Variants in GREB1L observed in about 807,000 individuals in gnomAD.
GREB1L encodes GREB1-like protein.
A neutral mutation model predicts 200.8 loss-of-function variants in GREB1L; 17 were observed. The ratio of observed to expected loss-of-function variants is 0.08; its 90% CI spans 0.06 to 0.13. The LOEUF (loss-of-function observed/expected upper bound fraction) is 0.13. Ranked by LOEUF, GREB1L falls within the 10% of genes least tolerant of loss-of-function variation. GREB1L has a pLI of 1.00. For missense variants in GREB1L, 1,657 were observed against 2,367.7 expected (o/e 0.70, Z 6.23); for synonymous variants, 789 against 893.0 (o/e 0.88, Z 2.08).
At chr18:21,346,740 T>C (rs1485119146) in intron 1 of GREB1L, among the ~76,000 whole-genome samples, 1 of 152,198 alleles carries the variant, frequency 6.6e-6, no homozygotes, top group Non-Finnish European at 1.5e-5. Flanking sequence ...CCAAGACTGA[T>C]AAAGCATCTC....
intron 1 of GREB1L, among the ~76,000 whole-genome samples, chr18:21,327,074 A>C (rs2039033822): frequency 6.6e-6 from 1 of 152,248 alleles, no homozygotes; most frequent in African/African-American, 2.4e-5. Flanking sequence ...TGTGTGTCAT[A>C]GGATTCCTTC....
intron 15 of GREB1L, among the ~76,000 whole-genome samples, chr18:21,459,770 A>C (rs903311320): frequency 2.0e-5 from 3 of 152,128 alleles, no homozygotes; most frequent in African/African-American, 7.2e-5. Flanking sequence ...TTTTTTGTTC[A>C]GTGACTAAGA....
intron 1 of GREB1L, among the ~76,000 whole-genome samples, chr18:21,280,628 C>T (rs145300126): frequency 2.1e-4 from 32 of 152,156 alleles, no homozygotes; most frequent in African/African-American, 7.5e-4. Context: ...TCTTCCATCT[C>T]GAATGTATTA....
chr18:21,416,974 C>A (rs1598796221), intron 7 of GREB1L, among the ~76,000 whole-genome samples: 1 of 151,048 alleles, frequency 6.6e-6, no homozygotes, highest in African/African-American at 2.4e-5. Flanking sequence ...GAGCTGAGAT[C>A]ATGCCACTGT....
intron 1 of GREB1L, among the ~76,000 whole-genome samples, chr18:21,359,071 C>T (rs2039545986): frequency 6.6e-6 from 1 of 152,154 alleles, no homozygotes; most frequent in South Asian, 2.1e-4. Flanking sequence ...GAAATGGCGG[C>T]CCAGGGAAGA....
chr18:21,278,389 AAAATAAATAAATAAAT>A (rs67061918), intron 1 of GREB1L, among the ~76,000 whole-genome samples: 26 of 125,620 alleles, frequency 2.1e-4, no homozygotes, highest in African/African-American at 3.9e-4. Context: ...TCAAAAAAAA[AAAATAAATAAATAAAT>A]AAATAAATAA....
chr18:21,515,558 A>G lies in GREB1L; in HGVS notation c.5043A>G (p.Leu1681=). ...KWSSKLTSQS[L]KAPFSRCHVH... ...GCAGCAAGCTGACTTCTCAGAGCCT[A>G]AAGGCCCCATTCTCTAGGTGTCACG... is the stretch of plus-strand genomic sequence containing the variant. The change falls in exon 29 of 33, where the codon CTA becomes CTG. Residue 1681 remains leucine, a synonymous_variant. Coordinates refer to ENST00000424526, the MANE Select transcript of GREB1L (RefSeq NM_001142966.3). 2.6e-6 allele frequency: 4 copies of G among 1,551,700 alleles called. No individual in the cohort carries two copies. Among genetic ancestry groups the G allele is most frequent in the East Asian group, 4.9e-5 (2 of 40,920 alleles).
chr18:21,505,684 C>A, intron 24 of GREB1L, 117 bp downstream of exon 24: 1 of 1,417,854 alleles, frequency 7.1e-7, no homozygotes, highest in Non-Finnish European at 9.5e-7. Context: ...ATTTTCATAA[C>A]TGTTTCTTAG....
At chr18:21,394,816 C>T (rs1305033739) in intron 4 of GREB1L, among the ~76,000 whole-genome samples, 1 of 151,698 alleles carries the variant, frequency 6.6e-6, no homozygotes, top group African/African-American at 2.4e-5. Flanking sequence ...CATTGCCCCA[C>T]TTGTTGACCA....
intron 15 of GREB1L, among the ~76,000 whole-genome samples, chr18:21,462,674 C>A (rs1463822286): frequency 6.6e-6 from 1 of 152,040 alleles, no homozygotes; most frequent in African/African-American, 2.4e-5. Flanking sequence ...GGTCTCGAAC[C>A]ACTGACCTTA....
At chr18:21,282,056 C>T (rs757222545) in intron 1 of GREB1L, among the ~76,000 whole-genome samples, 6 of 151,970 alleles carry the variant, frequency 3.9e-5, no homozygotes, top group Non-Finnish European at 7.4e-5. Flanking sequence ...GAGGATCACT[C>T]GAGCCTAAGA....
chr18:21,381,775 G>C (rs1434014396), intron 2 of GREB1L, among the ~76,000 whole-genome samples: 2 of 152,210 alleles, frequency 1.3e-5, no homozygotes, highest in South Asian at 2.1e-4. Flanking sequence ...TCAAGGAAAA[G>C]TTTGCTGGGA....
intron 1 of GREB1L, among the ~76,000 whole-genome samples, chr18:21,250,173 C>T (rs901209126): frequency 3.9e-5 from 6 of 152,128 alleles, no homozygotes; most frequent in Middle Eastern, 3.4e-3. Flanking sequence ...AGCGAGGGAG[C>T]GAGTGGGGGA....
intron 1 of GREB1L, among the ~76,000 whole-genome samples, chr18:21,352,282 T>A (rs1279992911): frequency 6.6e-6 from 1 of 152,182 alleles, no homozygotes; most frequent in Admixed American, 6.5e-5. Context: ...TCACAGTACA[T>A]TTATCTACAA....
At chr18:21,324,441 G>C (rs377578468) in intron 1 of GREB1L, among the ~76,000 whole-genome samples, 3 of 152,180 alleles carry the variant, frequency 2.0e-5, no homozygotes, top group East Asian at 1.9e-4. Flanking sequence ...CAGATAAATG[G>C]AAATTCTAGG....
rs372682538 is a variant in GREB1L at position 21,432,041 on chromosome 18, G to T, written c.833-7480G>T. The stretch of plus-strand genomic sequence containing the variant: ...GGGTTCACACCATTCTCCTGCCTCA[G>T]CATCCCGAGTAGCTGGGACTACAGG... On this transcript the variant is annotated intron_variant, in intron 7 of 32. Transcript: ENST00000424526. Among the ~76,000 whole-genome samples, 781 of 149,528 alleles carry T rather than the reference G, an allele frequency of 5.2e-3. 5 individuals are homozygous for T. Among genetic ancestry groups the T allele is most frequent in the Non-Finnish European group, 8.8e-3 (594 of 67,694 alleles).
At position 21,376,812 on chromosome 18, in the gene GREB1L, CAAAAAAA is replaced by C. The variant is rs534144361; in HGVS notation, c.-9-6683_-9-6677del. Among the ~76,000 whole-genome samples the C allele has an allele frequency of 3.4e-4, 20 of 59,644 alleles. 1 individual carries two copies. Among genetic ancestry groups the C allele is most frequent in the Admixed American group, 3.0e-3 (16 of 5,254 alleles). 39.1% of individuals were successfully genotyped at this position (59,644 alleles called of 152,430 possible). A position where few individuals can be genotyped will look rare whatever the true frequency, so the allele number is the denominator to read the frequency against. ...AGAGCGAGACTCTGAGAGTCCGTCT[CAAAAAAA>C]AAAAAAAAAAAAAAGAAAGCCAACT... On this transcript the variant is annotated intron_variant, in intron 2 of 32. Transcript: ENST00000424526.
At chr18:21,293,304 CA>C (rs1261166264) in intron 1 of GREB1L, among the ~76,000 whole-genome samples, 1 of 152,124 alleles carries the variant, frequency 6.6e-6, no homozygotes, top group Non-Finnish European at 1.5e-5. Flanking sequence ...CAAGGTGAGG[CA>C]AATAAAATAC....
At chr18:21,411,817 G>A (rs1327830969) in intron 7 of GREB1L, among the ~76,000 whole-genome samples, 9 of 151,040 alleles carry the variant, frequency 6.0e-5, no homozygotes, top group South Asian at 2.1e-4. Context: ...AGGCCGAGGC[G>A]GGTGGATCAT....
Sources: allele counts gnomAD v4.1 joint callset (sites outside exome capture counted in the v4.1 genomes callset), GRCh38; gene constraint gnomAD v4.1.1; transcripts MANE v1.5; gene names NCBI Gene and HGNC (gene_info 2026-07-23, HGNC 2026-07-21).